CELSR1: variants seen among roughly 807,000 people sequenced by gnomAD.
CELSR1 encodes adhesion G protein-coupled receptor C1.
A neutral mutation model predicts 249.1 loss-of-function variants in CELSR1; 110 were observed. The ratio of observed to expected loss-of-function variants is 0.44; its 90% confidence interval spans 0.38 to 0.52. CELSR1 has a LOEUF of 0.52. Ranked by LOEUF, CELSR1 falls within the 20% of genes least tolerant of loss-of-function variation. The pLI, the probability that CELSR1 is intolerant of heterozygous loss-of-function variation, is 0.00. For synonymous variants in CELSR1, 2,113 were observed against 1,900.0 expected, an observed-to-expected ratio of 1.11 and a Z score of -2.92; for missense variants, 4,109 against 4,296.4, an observed-to-expected ratio of 0.96 and a Z score of 1.22.
intron 1 of CELSR1, among the ~76,000 whole-genome samples, chr22:46,510,839 C>T (rs1056627601): frequency 4.6e-5 from 7 of 152,146 alleles, no homozygotes; most frequent in Non-Finnish European, 7.3e-5. Flanking sequence ...TGGCCGGGTG[C>T]GGTGGCTCAT....
intron 1 of CELSR1, among the ~76,000 whole-genome samples, chr22:46,492,648 A>AC (rs1172525789): frequency 6.6e-6 from 1 of 152,032 alleles, no homozygotes; most frequent in East Asian, 1.9e-4. Context: ...ACATGGTGAA[A>AC]CCCCGTCTCT....
Position 46,390,636 on chromosome 22 carries a change from CCT to C in CELSR1, c.6251-152_6251-151del, listed in dbSNP as rs368515180. ...GGGCCAGGAGGTCGACACCAGCGCC[CCT>C]CTTTCATGTCAGGGCCACGGCCGAA... is the stretch of plus-strand genomic sequence containing the variant. On this transcript the variant is annotated intron_variant, in intron 16 of 34. Coordinates refer to ENST00000674500, the MANE Select transcript of CELSR1 (RefSeq NM_001378328.1). The surrounding 1 kb of genome is among the most constrained non-coding windows in gnomAD (Gnocchi z 6.3). The C allele has an allele frequency of 7.4e-4, 462 of 625,450 alleles. 1 individual carries two copies. In the African/African-American group the frequency reaches 7.5e-3, roughly 10 times the overall value. 38.7% of individuals were successfully genotyped at this position (625,450 alleles called of 1,614,324 possible).
intron 2 of CELSR1, among the ~76,000 whole-genome samples, chr22:46,458,529 G>T (rs2079983137): frequency 6.6e-6 from 1 of 152,236 alleles, no homozygotes; most frequent in African/African-American, 2.4e-5. Flanking sequence ...TGGGGCCAAG[G>T]GGCATCCACT....
At chr22:46,491,692 T>A (rs2147699930) in intron 1 of CELSR1, among the ~76,000 whole-genome samples, 1 of 149,966 alleles carries the variant, frequency 6.7e-6, no homozygotes, top group East Asian at 2.0e-4. Context: ...TGGAGTACAG[T>A]GGCACAATCT....
At chr22:46,465,746 T>A (rs561736081) in intron 1 of CELSR1, among the ~76,000 whole-genome samples, 1 of 152,230 alleles carries the variant, frequency 6.6e-6, no homozygotes. Context: ...AAGCCACAGA[T>A]GCGTGCAGGT....
chr22:46,423,607 GAAAA>G lies in CELSR1; in HGVS notation c.4611+9782_4611+9785del, dbSNP rs140667892. 1.9e-5 allele frequency among the ~76,000 whole-genome samples: 2 copies of G among 106,944 alleles called. No individual in the cohort carries two copies. The highest frequency in any genetic ancestry group is 3.6e-4 in the South Asian group (1 of 2,806). The allele number at this position is 106,944 out of a possible 152,430, so 70.2% of individuals were successfully genotyped here. ...GCAACAGGAGCGAAACTTCGTCTCA[GAAAA>G]AAAAAAAAAAAAAGACTCCATGCTT... On this transcript the variant is annotated intron_variant, in intron 5 of 34. Coordinates refer to ENST00000674500, the MANE Select transcript of CELSR1 (RefSeq NM_001378328.1). This position sits in a 1 kb window ranked among gnomAD's most constrained non-coding sequence, Gnocchi z 5.6.
At chr22:46,392,807 C>T (rs1171030352) in intron 14 of CELSR1, among the ~76,000 whole-genome samples, 1 of 152,170 alleles carries the variant, frequency 6.6e-6, no homozygotes, top group African/African-American at 2.4e-5. Context: ...ATCCCTCCTG[C>T]CTCGGCCTCC....
chr22:46,383,014 T>C (rs998451554), intron 20 of CELSR1, among the ~76,000 whole-genome samples: 1 of 152,190 alleles, frequency 6.6e-6, no homozygotes, highest in South Asian at 2.1e-4. Flanking sequence ...CCAAATCTCA[T>C]GTTGAAATGT....
intron 2 of CELSR1, chr22:46,462,981 G>A (rs937344383): frequency 2.0e-5 from 9 of 453,438 alleles, no homozygotes; most frequent in African/African-American, 4.1e-5. Flanking sequence ...ATGGCTCAAT[G>A]GTTTCCACCT....
intron 1 of CELSR1, chr22:46,530,274 C>G (rs1014704845): frequency 6.6e-6 from 1 of 151,892 alleles, no homozygotes; most frequent in Admixed American, 6.6e-5. Flanking sequence ...GTCTCATACA[C>G]ACACACACAC....
At chr22:46,470,830 GT>G (rs2080148196) in intron 1 of CELSR1, among the ~76,000 whole-genome samples, 1 of 152,090 alleles carries the variant, frequency 6.6e-6, no homozygotes, top group South Asian at 2.1e-4. Flanking sequence ...ATGATGTTAG[GT>G]TACAAGAAAC....
At position 46,454,890 on chromosome 22, in the gene CELSR1, C is replaced by T. The variant is rs535607353; in HGVS notation, c.4183+8817G>A. Among the ~76,000 whole-genome samples, 6 of 152,334 alleles carry T rather than the reference C, an allele frequency of 3.9e-5. No homozygotes were observed. The highest frequency in any genetic ancestry group is 1.9e-4 in the East Asian group (1 of 5,188). On this transcript the variant is annotated intron_variant, in intron 2 of 34. Coordinates refer to ENST00000674500, the MANE Select transcript of CELSR1 (RefSeq NM_001378328.1). The surrounding 1 kb of genome is among the most constrained non-coding windows in gnomAD (Gnocchi z 5.1). ...GTCCCCAGAAAGATACGCTCAGTTA[C>T]GAACTCCCAGTACCCTTGAAAGTGA...
intron 1 of CELSR1, among the ~76,000 whole-genome samples, chr22:46,497,795 GTTTTC>G (rs1406937448): frequency 6.6e-6 from 1 of 152,102 alleles, no homozygotes; most frequent in Non-Finnish European, 1.5e-5. Flanking sequence ...TTCCTATGGG[GTTTTC>G]TTTTCTAATT....
At chr22:46,519,514 CG>C (rs1227517498) in intron 1 of CELSR1, among the ~76,000 whole-genome samples, 2 of 152,326 alleles carry the variant, frequency 1.3e-5, no homozygotes, top group African/African-American at 4.8e-5. Context: ...CGGTCTCAGC[CG>C]CCCACTACAG....
At chr22:46,377,809 C>G (rs2078935263) in intron 23 of CELSR1, among the ~76,000 whole-genome samples, 1 of 152,246 alleles carries the variant, frequency 6.6e-6, no homozygotes, top group Admixed American at 6.5e-5. Flanking sequence ...CCAGCCCCGC[C>G]TGAGGGCTGA....
At chr22:46,521,041 G>GT (rs2080679999) in intron 1 of CELSR1, among the ~76,000 whole-genome samples, 1 of 152,188 alleles carries the variant, frequency 6.6e-6, no homozygotes, top group African/African-American at 2.4e-5. Flanking sequence ...CCACGTTGTA[G>GT]TAAGTGTCAG....
chr22:46,442,040 C>T (rs1056452949), intron 2 of CELSR1, among the ~76,000 whole-genome samples: 2 of 151,684 alleles, frequency 1.3e-5, no homozygotes, highest in South Asian at 2.1e-4. Context: ...CCCATCTACT[C>T]GGGAGGCTGA....
Position 46,409,712 on chromosome 22 carries a change from C to CA in CELSR1, c.5059+42dup. On this transcript the variant is annotated intron_variant, in intron 8 of 34. Coordinates refer to ENST00000674500, the MANE Select transcript of CELSR1 (RefSeq NM_001378328.1). This position sits in a 1 kb window ranked among gnomAD's most constrained non-coding sequence, Gnocchi z 9.8. ...GGGCACATCAAGGAGCAATGCCTCCCAGGCCGCCGTGACCGGGGGGATGGA... is the reference window on the plus strand; with the variant it reads ...GGGCACATCAAGGAGCAATGCCTCCCAAGGCCGCCGTGACCGGGGGGATGGA... The CA allele has an allele frequency of 6.2e-7, 1 of 1,607,136 alleles. No homozygotes were observed. The highest frequency in any genetic ancestry group is 8.5e-7 in the Non-Finnish European group (1 of 1,179,554).
chr22:46,399,876 C>T lies in CELSR1; in HGVS notation c.5253G>A (p.Glu1751=). The T allele has an allele frequency of 6.2e-7, 1 of 1,614,120 alleles. No homozygotes were observed. Among genetic ancestry groups the T allele is most frequent in the Non-Finnish European group, 8.5e-7 (1 of 1,179,970 alleles). ...LQILNNYLQF[E]VSHGPSDVES... is the part of the protein sequence containing the mutation. The stretch of plus-strand genomic sequence containing the variant: ...CCACATCGGAGGGGCCGTGGGACAC[C>T]TCAAACTGGAGGTAGTTGTTCAGGA... The change falls in exon 10 of 35, where the codon GAG becomes GAA. Residue 1751 remains glutamate, a synonymous_variant. Coordinates refer to ENST00000674500, the MANE Select transcript of CELSR1 (RefSeq NM_001378328.1). The surrounding 1 kb of genome is among the most constrained non-coding windows in gnomAD (Gnocchi z 5.0).
Sources: gnomAD v4.1 joint callset for allele counts (sites outside exome capture counted in the v4.1 genomes callset) on GRCh38, gnomAD v4.1.1 for gene constraint, Gnocchi (gnomAD v3.1) non-coding constraint, MANE v1.5 for transcripts, NCBI Gene and HGNC (gene_info 2026-07-23, HGNC 2026-07-21) for gene names.